The following CDH13 variants were observed in gnomAD, a reference collection of about 807,000 sequenced individuals.
CDH13 encodes cadherin 13.
In CDH13, 24 loss-of-function variants were observed where a neutral mutation model predicts 63.8. That is an observed-to-expected ratio of 0.38 (90% CI 0.27 to 0.53). CDH13 has a LOEUF of 0.53. Among genes scored for constraint, CDH13 ranks in the 20% least tolerant of loss-of-function variants. The probability of loss-of-function intolerance (pLI) is 0.85; values close to 1 mark genes in which losing one functional copy is unlikely to be tolerated. For synonymous variants in CDH13, 503 were observed against 355.3 expected (o/e 1.42, Z -4.67); for missense variants, 1,049 against 903.1 (o/e 1.16, Z -2.07).
chr16:83,103,760 G>A lies in CDH13; in HGVS notation c.367-21625G>A, dbSNP rs2034630786. ...CATCACAGAAATTGTGTATCAAAGG[G>A]GGAAAATGTTTGCAAGACTTAGTGC... On this transcript the variant is annotated intron_variant, in intron 3 of 13. Coordinates refer to ENST00000567109, the MANE Select transcript of CDH13 (RefSeq NM_001257.5). Among the ~76,000 whole-genome samples, 5 of 152,228 alleles carry A rather than the reference G, an allele frequency of 3.3e-5. 1 individual carries two copies. In the South Asian group the frequency reaches 1.0e-3, roughly 32 times the overall value.
intron 1 of CDH13, among the ~76,000 whole-genome samples, chr16:82,661,515 A>G (rs1218072814): frequency 2.0e-5 from 3 of 152,194 alleles, no homozygotes; most frequent in Non-Finnish European, 4.4e-5. Flanking sequence ...CCAAGCAGGG[A>G]ATTAGCGCAG....
Position 82,639,464 on chromosome 16 carries a change from A to G in CDH13, c.45+12327A>G, listed in dbSNP as rs150875489. The G allele has an allele frequency of 7.4e-4, 1,125 of 1,530,588 alleles. 6 individuals carry two copies. In the African/African-American group the frequency reaches 0.013, roughly 17 times the overall value. The allele number at this position is 1,530,588 out of a possible 1,614,324, so 94.8% of individuals were successfully genotyped here. On this transcript the variant is annotated intron_variant, in intron 1 of 13. Coordinates refer to ENST00000567109, the MANE Select transcript of CDH13 (RefSeq NM_001257.5). The stretch of plus-strand genomic sequence containing the variant: ...GACCCACCTGCAGCTTCAACCATGC[A>G]GGTAAATTTGCCTGCTGCTGTGTCG...
At chr16:82,719,581 T>C (rs1270835672) in intron 1 of CDH13, 3 of 375,274 alleles carry the variant, frequency 8.0e-6, no homozygotes, top group Non-Finnish European at 1.6e-5. Context: ...CGCAGTGGCT[T>C]GTGTCTGTAA....
intron 7 of CDH13, among the ~76,000 whole-genome samples, chr16:83,553,310 A>G (rs2075543314): frequency 6.6e-6 from 1 of 152,226 alleles, no homozygotes; most frequent in African/African-American, 2.4e-5. Context: ...AAATAAAGGA[A>G]TCTAGTTTCA....
chr16:83,666,432 A>G (rs1913955806), intron 8 of CDH13, among the ~76,000 whole-genome samples: 1 of 152,210 alleles, frequency 6.6e-6, no homozygotes, highest in Admixed American at 6.5e-5. Context: ...TGTTTTCCAT[A>G]TTTAAAGATT....
chr16:83,094,535 T>G (rs1343112919), intron 3 of CDH13, among the ~76,000 whole-genome samples: 1 of 152,168 alleles, frequency 6.6e-6, no homozygotes, highest in Non-Finnish European at 1.5e-5. Flanking sequence ...TCATTGAATG[T>G]AGGCTCATTT....
chr16:83,609,016 G>A (rs1053614325), intron 8 of CDH13, among the ~76,000 whole-genome samples: 2 of 152,080 alleles, frequency 1.3e-5, no homozygotes, highest in Non-Finnish European at 2.9e-5. Flanking sequence ...GTCATCAAGA[G>A]TTTAGAAACT....
intron 3 of CDH13, among the ~76,000 whole-genome samples, chr16:83,043,611 C>G (rs905395197): frequency 1.3e-5 from 2 of 151,906 alleles, no homozygotes; most frequent in South Asian, 2.1e-4. Context: ...GTAATCCCAG[C>G]ACTTTAAGAG....
intron 6 of CDH13, among the ~76,000 whole-genome samples, chr16:83,350,182 CCAA>C (rs1384053154): frequency 1.3e-5 from 2 of 152,184 alleles, no homozygotes; most frequent in Non-Finnish European, 2.9e-5. Flanking sequence ...CCTCGGCCTT[CCAA>C]CAACATCAGG....
At chr16:82,731,218 A>T (rs1472815806) in intron 1 of CDH13, among the ~76,000 whole-genome samples, 2 of 152,216 alleles carry the variant, frequency 1.3e-5, no homozygotes, top group Non-Finnish European at 2.9e-5. Context: ...GGAGTATCCT[A>T]GGCTTTGTGG....
chr16:82,990,029 C>T (rs140298682), intron 2 of CDH13: 4 of 151,996 alleles, frequency 2.6e-5, no homozygotes, highest in South Asian at 2.1e-4. Context: ...TCAGGCAATT[C>T]TCTTATTTCA....
intron 5 of CDH13, among the ~76,000 whole-genome samples, chr16:83,249,510 A>T (rs944356110): frequency 1.3e-5 from 2 of 152,156 alleles, no homozygotes; most frequent in African/African-American, 4.8e-5. Context: ...AACTTCACTG[A>T]TTTATCTCAT....
In CDH13 at chr16:82,815,969, C is replaced by A. The variant is rs546435791; in HGVS notation, c.46-42393C>A. On this transcript the variant is annotated intron_variant, in intron 1 of 13. Transcript: ENST00000567109. ...TAAAATACATAACTGTGTTTTATTT[C>A]AGAATAAAAAGAAATGTATTACCAA... Among the ~76,000 whole-genome samples, 10 of 152,252 alleles carry A rather than the reference C, an allele frequency of 6.6e-5. No individual in the cohort carries two copies. The East Asian group carries it at 1.7e-3, about 26-fold the overall frequency.
At chr16:82,788,036 C>T (rs2036105379) in intron 1 of CDH13, among the ~76,000 whole-genome samples, 1 of 152,174 alleles carries the variant, frequency 6.6e-6, no homozygotes, top group African/African-American at 2.4e-5. Context: ...TTAAAATCAT[C>T]TTCAAGAAGT....
In CDH13 at chr16:83,670,981, G is replaced by T. The variant is rs766926687; in HGVS notation, c.1284+9G>T. 1.7e-5 allele frequency: 27 copies of T among 1,571,922 alleles called. No individual in the cohort carries two copies. Among genetic ancestry groups the T allele is most frequent in the Non-Finnish European group, 2.3e-5 (27 of 1,156,632 alleles). ...TGCTTTCTGTTGTCAAAGTAAGGGTGCTTCCAATTGCCTCTTTCTCCTCAT... is the reference window on the plus strand; with the variant it reads ...TGCTTTCTGTTGTCAAAGTAAGGGTTCTTCCAATTGCCTCTTTCTCCTCAT... On this transcript the variant is annotated intron_variant, in intron 9 of 13. Transcript: ENST00000567109.
intron 6 of CDH13, among the ~76,000 whole-genome samples, chr16:83,394,155 C>G (rs2091840137): frequency 6.6e-6 from 1 of 151,638 alleles, no homozygotes; most frequent in Non-Finnish European, 1.5e-5. Flanking sequence ...AGGCTTAGCA[C>G]TTTGGTGAGG....
At chr16:83,142,160 G>GTTTTT (rs11445521) in intron 4 of CDH13, among the ~76,000 whole-genome samples, 23 of 120,376 alleles carry the variant, frequency 1.9e-4, no homozygotes, top group African/African-American at 3.8e-4. Flanking sequence ...GTTTGTTTTT[G>GTTTTT]TTTTTTTTTT....
At chr16:83,397,571 A>G (rs894907031) in intron 6 of CDH13, 6 of 152,222 alleles carry the variant, frequency 3.9e-5, no homozygotes, top group African/African-American at 1.4e-4. Context: ...TTTAGCAAGG[A>G]GAGCGTGCTG....
intron 1 of CDH13, among the ~76,000 whole-genome samples, chr16:82,737,193 A>G (rs1044597898): frequency 3.3e-5 from 5 of 152,330 alleles, no homozygotes; most frequent in African/African-American, 1.2e-4. Context: ...TGAACTCATC[A>G]TATCAGGAGT....
Sources: gnomAD v4.1 joint callset for allele counts (sites outside exome capture counted in the v4.1 genomes callset) on GRCh38, gnomAD v4.1.1 for gene constraint, MANE v1.5 for transcripts, NCBI Gene and HGNC (gene_info 2026-07-23, HGNC 2026-07-21) for gene names.